The following AKT2 variants were observed in gnomAD, a reference collection of about 807,000 sequenced individuals.
AKT2 encodes the protein RAC-beta serine/threonine-protein kinase.
AKT2 carries 16 observed loss-of-function variants against 58.6 expected under a neutral mutation model. That is an observed-to-expected ratio of 0.27 (90% confidence interval 0.18 to 0.41). The LOEUF (loss-of-function observed/expected upper bound fraction) is 0.41. Ranked by LOEUF, AKT2 falls within the 10% of genes least tolerant of loss-of-function variation. The pLI, the probability that AKT2 is intolerant of heterozygous loss-of-function variation, is 1.00. For missense variants in AKT2, 438 were observed against 661.0 expected, an observed-to-expected ratio of 0.66 and a Z score of 3.70; for synonymous variants, 253 against 254.0, an observed-to-expected ratio of 1.00 and a Z score of 0.04.
Position 40,233,918 on chromosome 19 carries a change from C to T in AKT2, c.1400G>A (p.Arg467Gln), listed in dbSNP as rs759851333. ...DSLGLLELDQRTHFPQFSYSA... is the reference protein window; with the variant it reads ...DSLGLLELDQQTHFPQFSYSA... Reference sequence around the variant, plus strand: ...GTAGGAGAACTGGGGGAAGTGGGTCCGCTGGTCCAGCTCCAGTAAGCCCAG... The same window carrying T: ...GTAGGAGAACTGGGGGAAGTGGGTCTGCTGGTCCAGCTCCAGTAAGCCCAG... The change falls in exon 14 of 14, where the codon CGG (arginine) becomes CAG (glutamine). Residue 467 changes from arginine (R) to glutamine (Q), a missense_variant. By Grantham distance (43) the Arg-to-Gln change is conservative. Coordinates refer to ENST00000392038, the MANE Select transcript of AKT2 (RefSeq NM_001626.6). The surrounding 1 kb of genome is among the most constrained non-coding windows in gnomAD (Gnocchi z 4.3). 1.3e-5 allele frequency: 21 copies of T among 1,611,798 alleles called. No homozygotes were observed. In the South Asian group the frequency reaches 1.6e-4, roughly 13 times the overall value.
At chr19:40,239,070 C>A in intron 7 of AKT2, 97 bp from the exon 8 acceptor site, 1 of 1,315,502 alleles carries the variant, frequency 7.6e-7, no homozygotes, top group Non-Finnish European at 1.1e-6. Context: ...TCTGCACACA[C>A]ACACCCTGCC....
At chr19:40,236,845 G>A (rs893648925) in intron 9 of AKT2, 31 of 224,328 alleles carry the variant, frequency 1.4e-4, no homozygotes, top group African/African-American at 5.3e-4. Flanking sequence ...GCAACACAGC[G>A]AGACCCCATC....
intron 1 of AKT2, 177 bp downstream of exon 1, chr19:40,285,004 C>A (rs1392494414): frequency 2.1e-5 from 8 of 377,798 alleles, no homozygotes; most frequent in Non-Finnish European, 3.8e-5. Context: ...GCCCCGGCCC[C>A]CCGAGGCTGG....
chr19:40,242,761 C>A lies in AKT2; in HGVS notation c.288-74G>T. ...AGAGTCGAACAGCTGAGTGCCACCT[C>A]CCAGCCACCCCCAGCAACAGGCAAG... On this transcript the variant is annotated intron_variant, in intron 4 of 13. Transcript: ENST00000392038. The surrounding 1 kb of genome is among the most constrained non-coding windows in gnomAD (Gnocchi z 4.3). The A allele has an allele frequency of 6.6e-7, 1 of 1,503,926 alleles. No individual in the cohort carries two copies. The highest frequency in any genetic ancestry group is 9.1e-7 in the Non-Finnish European group (1 of 1,102,086). The allele number at this position is 1,503,926 out of a possible 1,614,324, so 93.2% of individuals were successfully genotyped here. A position where few individuals can be genotyped will look rare whatever the true frequency, so the allele number is the denominator to read the frequency against.
At chr19:40,240,187 G>T in intron 6 of AKT2, 77 bp from the exon 7 acceptor site, 1 of 1,445,790 alleles carries the variant, frequency 6.9e-7, no homozygotes, top group Non-Finnish European at 9.7e-7. Context: ...GGGGAGCAAG[G>T]CCTTGTGAAA....
In AKT2 at chr19:40,285,253, T is replaced by C. The variant is rs1481682994; in HGVS notation, c.-157A>G. The stretch of plus-strand genomic sequence containing the variant: ...CCATCGCCACGCTGCGCTGGTTCCC[T>C]TTCCTTGTGTTTCCCGGCAGCGGCA... On this transcript the variant is annotated 5_prime_UTR_variant, in exon 1 of 14. Transcript: ENST00000392038. 7 of 395,278 alleles carry C rather than the reference T, an allele frequency of 1.8e-5. No individual in the cohort carries two copies. The East Asian group carries it at 2.5e-4, about 14-fold the overall frequency. 24.5% of individuals were successfully genotyped at this position (395,278 alleles called of 1,614,324 possible).
At chr19:40,274,752 CCTA>C (rs1157316464) in intron 1 of AKT2, 12 of 312,618 alleles carry the variant, frequency 3.8e-5, no homozygotes, top group Non-Finnish European at 7.1e-5. Context: ...GTTCGAGGCG[CCTA>C]CAGGAGTGGG....
At chr19:40,247,329 C>T (rs1020483522) in intron 4 of AKT2, among the ~76,000 whole-genome samples, 2 of 152,210 alleles carry the variant, frequency 1.3e-5, no homozygotes, top group African/African-American at 2.4e-5. Flanking sequence ...GACACCACCT[C>T]GCTTGATTCT....
intron 2 of AKT2, among the ~76,000 whole-genome samples, chr19:40,258,263 A>AG (rs1975694749): frequency 6.7e-6 from 1 of 149,450 alleles, no homozygotes; most frequent in Non-Finnish European, 1.5e-5. Flanking sequence ...AAAAAAAAAA[A>AG]CAAAAAAAAA....
intron 2 of AKT2, among the ~76,000 whole-genome samples, chr19:40,257,846 T>G (rs1045122768): frequency 6.6e-6 from 1 of 152,172 alleles, no homozygotes; most frequent in South Asian, 2.1e-4. Context: ...CATGCTGCCA[T>G]GTGGAGGGAC....
intron 2 of AKT2, among the ~76,000 whole-genome samples, chr19:40,261,914 T>C (rs1001332666): frequency 2.6e-5 from 4 of 152,030 alleles, no homozygotes; most frequent in African/African-American, 9.7e-5. Flanking sequence ...CGTTTTTTTT[T>C]TTTTAAAGGA....
At chr19:40,240,355 C>T (rs1284575159) in intron 6 of AKT2, 15 of 694,842 alleles carry the variant, frequency 2.2e-5, no homozygotes, top group South Asian at 2.1e-4. Context: ...AAGGACCAGG[C>T]TGCTAGGGAC....
intron 4 of AKT2, among the ~76,000 whole-genome samples, chr19:40,248,312 C>T (rs932627335): frequency 2.0e-5 from 3 of 152,206 alleles, no homozygotes; most frequent in Admixed American, 6.5e-5. Context: ...TTCACCCAGC[C>T]GGCCTGCAAA....
rs775909467 is a variant in AKT2, at chr19:40,237,919, C to T, written c.831+50G>A. The stretch of plus-strand genomic sequence containing the variant: ...AGCCCAACTTCCCCAGTGTGAGTCC[C>T]ATGTGGTGTGCATGCCACAGGTCAG... On this transcript the variant is annotated intron_variant, in intron 9 of 13. Transcript: ENST00000392038. The surrounding 1 kb of genome is among the most constrained non-coding windows in gnomAD (Gnocchi z 4.5). 168 of 1,608,452 alleles carry T rather than the reference C, an allele frequency of 1.0e-4. No individual in the cohort carries two copies. Among genetic ancestry groups the T allele is most frequent in the Non-Finnish European group, 1.2e-4 (137 of 1,178,272 alleles).
At chr19:40,246,541 G>A (rs890662285) in intron 4 of AKT2, among the ~76,000 whole-genome samples, 1 of 152,118 alleles carries the variant, frequency 6.6e-6, no homozygotes, top group Non-Finnish European at 1.5e-5. Context: ...TCTCCTAAGA[G>A]ATACAGTGAA....
At chr19:40,276,638 A>G (rs1348769615) in intron 1 of AKT2, among the ~76,000 whole-genome samples, 1 of 150,294 alleles carries the variant, frequency 6.7e-6, no homozygotes, top group Admixed American at 6.6e-5. Flanking sequence ...TGCTGGGATT[A>G]CAGGTGTGAA....
Position 40,242,465 on chromosome 19 carries a change from G to C in AKT2, c.441+69C>G. On this transcript the variant is annotated intron_variant, in intron 5 of 13. Transcript: ENST00000392038. The surrounding 1 kb of genome is among the most constrained non-coding windows in gnomAD (Gnocchi z 4.3). ...CCTGAACTGTGTTATGGAAACCAAG[G>C]AGAGCAGGCCAGCACTGGGGGTGGG... is the stretch of plus-strand genomic sequence containing the variant. The C allele has an allele frequency of 6.2e-7, 1 of 1,602,508 alleles. No homozygotes were observed. The highest frequency in any genetic ancestry group is 8.5e-7 in the Non-Finnish European group (1 of 1,174,696).
Position 40,235,456 on chromosome 19 carries a change from G to T in AKT2, c.1176-106C>A. Reference sequence around the variant, plus strand: ...GTATGGCCCTTAATGATTCTGTCTTGACCACAAACCACTTCACAGAGGAGG... The same window carrying T: ...GTATGGCCCTTAATGATTCTGTCTTTACCACAAACCACTTCACAGAGGAGG... On this transcript the variant is annotated intron_variant, in intron 11 of 13. Coordinates refer to ENST00000392038, the MANE Select transcript of AKT2 (RefSeq NM_001626.6). The surrounding 1 kb of genome is among the most constrained non-coding windows in gnomAD (Gnocchi z 6.3). 3 of 1,009,642 alleles carry T rather than the reference G, an allele frequency of 3.0e-6. No individual in the cohort carries two copies. Among genetic ancestry groups the T allele is most frequent in the South Asian group, 2.6e-5 (2 of 76,446 alleles). The allele number at this position is 1,009,642 out of a possible 1,614,324, so 62.5% of individuals were successfully genotyped here. A position where few individuals can be genotyped will look rare whatever the true frequency, so the allele number is the denominator to read the frequency against.
In AKT2 at chr19:40,242,930, C is replaced by G; in HGVS notation, c.288-243G>C. On this transcript the variant is annotated intron_variant, in intron 4 of 13. Transcript: ENST00000392038. The surrounding 1 kb of genome is among the most constrained non-coding windows in gnomAD (Gnocchi z 4.3). ...TTGGGAGGCTGAGGCGGATGGATCA[C>G]AAGGTCAGGAGTTCGAGACCAGCCT... The G allele has an allele frequency of 2.0e-6, 1 of 503,900 alleles. No individual in the cohort carries two copies. Among genetic ancestry groups the G allele is most frequent in the Non-Finnish European group, 3.6e-6 (1 of 274,698 alleles). 31.2% of individuals were successfully genotyped at this position (503,900 alleles called of 1,614,324 possible).
Sources: gnomAD v4.1 joint callset for allele counts (sites outside exome capture counted in the v4.1 genomes callset) on GRCh38, gnomAD v4.1.1 for gene constraint, Gnocchi (gnomAD v3.1) non-coding constraint, MANE v1.5 for transcripts, NCBI Gene and HGNC (gene_info 2026-07-23, HGNC 2026-07-21) for gene names.